PDGFA: variants seen among roughly 807,000 people sequenced by gnomAD.
PDGFA encodes the protein platelet derived growth factor subunit A, also known as platelet-derived growth factor subunit A.
In PDGFA, 9 loss-of-function variants were observed where a neutral mutation model predicts 25.6. The observed-to-expected ratio is 0.35, with a 90% confidence interval of 0.21 to 0.61. The LOEUF is 0.61. Ranked by LOEUF, PDGFA falls within the 20% of genes least tolerant of loss-of-function variation. The pLI is 0.75. For missense variants in PDGFA, 242 were observed against 272.8 expected (o/e 0.89, Z 0.79); for synonymous variants, 133 against 111.8 (o/e 1.19, Z -1.20).
chr7:519,889 G>A (rs1783293537), upstream of PDGFA: 1 of 127,688 alleles, frequency 7.8e-6, no homozygotes, highest in African/African-American at 3.3e-5. Context: ...CGCCGCCGCC[G>A]CGCCCCTCCC....
exon 4 of PDGFA, chr7:510,921 G>A: frequency 6.2e-7 from 1 of 1,612,680 alleles, no homozygotes; most frequent in Non-Finnish European, 8.5e-7. Flanking sequence ...GAAGTTGGCG[G>A]ACGTGGGGTC....
intron 2 of PDGFA, among the ~76,000 whole-genome samples, chr7:515,912 G>A (rs1245586514): frequency 1.3e-5 from 2 of 152,006 alleles, no homozygotes; most frequent in East Asian, 3.9e-4. Context: ...AGTCCCAGCA[G>A]AAAGTGAATG....
chr7:517,494 C>T lies in PDGFA; in HGVS notation c.64-4G>A. The T allele has an allele frequency of 1.5e-6, 2 of 1,299,234 alleles. No homozygotes were observed. Among genetic ancestry groups the T allele is most frequent in the Non-Finnish European group, 2.0e-6 (2 of 1,005,434 alleles). The allele number at this position is 1,299,234 out of a possible 1,614,324, so 80.5% of individuals were successfully genotyped here. On this transcript the variant is annotated splice_region_variant and splice_polypyrimidine_tract_variant and intron_variant, in intron 1 of 5. Transcript: ENST00000402802. The surrounding 1 kb of genome is among the most constrained non-coding windows in gnomAD (Gnocchi z 7.4). ...CCTCGCGGGGGATCTCGGCTTCCTG[C>T]AAGCAGAGGCCACACGGTCAGCGCC...
intron 4 of PDGFA, among the ~76,000 whole-genome samples, chr7:504,546 C>T (rs932275682): frequency 2.6e-5 from 4 of 152,174 alleles, no homozygotes; most frequent in Non-Finnish European, 5.9e-5. Flanking sequence ...GGAGGAACAG[C>T]ACCAGCCTCA....
chr7:517,326 C>A lies in PDGFA; in HGVS notation c.160+68G>T. 1 of 642,894 alleles carries A rather than the reference C, an allele frequency of 1.6e-6. No homozygotes were observed. The highest frequency in any genetic ancestry group is 2.2e-6 in the Non-Finnish European group (1 of 453,820). 39.8% of individuals were successfully genotyped at this position (642,894 alleles called of 1,614,324 possible). On this transcript the variant is annotated intron_variant, in intron 2 of 5. Transcript: ENST00000402802. The surrounding 1 kb of genome is among the most constrained non-coding windows in gnomAD (Gnocchi z 7.4). The stretch of plus-strand genomic sequence containing the variant: ...CTCCTGCGCGGCGCCCCGCCCGGCC[C>A]CAGCTCGGGGCGCACAGGCCGCCCG...
chr7:508,147 G>A (rs377161479), intron 4 of PDGFA, among the ~76,000 whole-genome samples: 6 of 152,078 alleles, frequency 3.9e-5, no homozygotes, highest in South Asian at 2.1e-4. Flanking sequence ...AGTCCTTCCC[G>A]GAGAACCTTC....
At chr7:503,219 T>TAGCC (rs1343108209) in intron 4 of PDGFA, among the ~76,000 whole-genome samples, 1 of 152,136 alleles carries the variant, frequency 6.6e-6, no homozygotes, top group Admixed American at 6.5e-5. Context: ...CACCAGGGAA[T>TAGCC]AGCCACCACC....
At chr7:505,807 C>CGCCCCACA (rs1296546414) in intron 4 of PDGFA, among the ~76,000 whole-genome samples, 1 of 152,190 alleles carries the variant, frequency 6.6e-6, no homozygotes, top group Non-Finnish European at 1.5e-5. Flanking sequence ...CTGGCCCCAC[C>CGCCCCACA]GCCCCACAGC....
At chr7:508,429 T>G (rs9692176) in intron 4 of PDGFA, among the ~76,000 whole-genome samples, 55,070 of 151,168 alleles carry the variant, frequency 0.36, 10,497 homozygotes, top group Admixed American at 0.43. Context: ...TAGCCAGGCA[T>G]GGTGGCATGC....
chr7:519,685 CCA>C (rs1012945337), upstream of PDGFA, among the ~76,000 whole-genome samples: 1 of 145,542 alleles, frequency 6.9e-6, no homozygotes, highest in Admixed American at 6.8e-5. Context: ...CTGGCAGCCA[CCA>C]CCCGCCGCCC....
chr7:506,539 G>A (rs1242159051), intron 4 of PDGFA, among the ~76,000 whole-genome samples: 1 of 152,132 alleles, frequency 6.6e-6, no homozygotes, highest in Non-Finnish European at 1.5e-5. Flanking sequence ...CACCAGGTGA[G>A]CACACACCTT....
intron 5 of PDGFA, among the ~76,000 whole-genome samples, chr7:499,341 C>T (rs1782223595): frequency 6.6e-6 from 1 of 152,250 alleles, no homozygotes; most frequent in Non-Finnish European, 1.5e-5. Flanking sequence ...GAATGGACCT[C>T]ACCCGCAGGC....
chr7:501,827 A>C (rs9286352), intron 4 of PDGFA, among the ~76,000 whole-genome samples: 1 of 152,010 alleles, frequency 6.6e-6, no homozygotes, highest in African/African-American at 2.4e-5. Flanking sequence ...TAAGGTGTGG[A>C]AGTTTGGGAG....
chr7:502,459 G>A (rs1016994043), intron 4 of PDGFA, among the ~76,000 whole-genome samples: 7 of 152,094 alleles, frequency 4.6e-5, no homozygotes, highest in African/African-American at 9.7e-5. Context: ...GCCTGACCTC[G>A]GAAACCAGGG....
exon 1 of PDGFA, chr7:518,989 C>A: frequency 6.5e-7 from 1 of 1,539,892 alleles, no homozygotes. Flanking sequence ...AGCAGGCAAG[C>A]CAAGGTCCTC....
chr7:517,958 C>T lies in PDGFA; in HGVS notation c.64-468G>A, dbSNP rs1443304741. 6.6e-6 allele frequency among the ~76,000 whole-genome samples: 1 copy of T among 152,150 alleles called. No individual in the cohort carries two copies. ...GCTTAAATTTCACGCCCCGGAATCCCGGGCCGAACCCGTGGAGAGGTCTCT... is the reference window on the plus strand; with the variant it reads ...GCTTAAATTTCACGCCCCGGAATCCTGGGCCGAACCCGTGGAGAGGTCTCT... On this transcript the variant is annotated intron_variant, in intron 1 of 5. Transcript: ENST00000402802. This position sits in a 1 kb window ranked among gnomAD's most constrained non-coding sequence, Gnocchi z 7.4.
exon 6 of PDGFA, chr7:497,952 A>AAAAC (rs1562481609): frequency 7.8e-5 from 9 of 114,678 alleles, no homozygotes; most frequent in Non-Finnish European, 1.7e-4. Flanking sequence ...AAAAAAAAAA[A>AAAAC]AAAAAACAAA....
At chr7:516,693 T>A (rs1340924688) in intron 2 of PDGFA, among the ~76,000 whole-genome samples, 2 of 134,322 alleles carry the variant, frequency 1.5e-5, no homozygotes, top group Non-Finnish European at 3.2e-5. Context: ...TCCCCCGGGG[T>A]GAGAGGCCCC....
chr7:497,890 A>C (rs868003118), exon 6 of PDGFA: 9 of 127,774 alleles, frequency 7.0e-5, no homozygotes, highest in Middle Eastern at 4.3e-3. Flanking sequence ...AAAAAAAAAA[A>C]AAGCTAGCCA....
Sources: gnomAD v4.1 joint callset for allele counts (sites outside exome capture counted in the v4.1 genomes callset) on GRCh38, gnomAD v4.1.1 for gene constraint, Gnocchi (gnomAD v3.1) non-coding constraint, MANE v1.5 for transcripts, NCBI Gene and HGNC (gene_info 2026-07-23, HGNC 2026-07-21) for gene names.